TSHR: variants seen among roughly 807,000 people sequenced by gnomAD.
TSHR encodes the protein thyrotropin receptor.
Under a neutral mutation model 64.1 loss-of-function variants are expected in TSHR, and 51 were observed. The ratio of observed to expected loss-of-function variants is 0.80; its 90% CI spans 0.64 to 1.01. The LOEUF is 1.01. Among genes scored for constraint, TSHR ranks in the 50% least tolerant of loss-of-function variants. TSHR has a pLI of 0.00. For synonymous variants in TSHR, 361 were observed against 361.9 expected (o/e 1.00, Z 0.03); for missense variants, 877 against 942.8 (o/e 0.93, Z 0.91).
intron 1 of TSHR, among the ~76,000 whole-genome samples, chr14:80,979,057 A>G (rs577261330): frequency 2.0e-5 from 3 of 152,368 alleles, no homozygotes; most frequent in Admixed American, 2.0e-4. Context: ...AGGTGACATT[A>G]TTATCTTCTT....
chr14:81,041,575 C>T (rs1884925693), intron 1 of TSHR, among the ~76,000 whole-genome samples: 1 of 151,934 alleles, frequency 6.6e-6, no homozygotes, highest in Non-Finnish European at 1.5e-5. Context: ...GGATATTAGG[C>T]CTAATAACTG....
intron 3 of TSHR, among the ~76,000 whole-genome samples, chr14:81,072,556 GAAGA>G (rs1176498947): frequency 6.6e-6 from 1 of 152,048 alleles, no homozygotes; most frequent in African/African-American, 2.4e-5. Context: ...CGAGAAATTG[GAAGA>G]AATAGAGAGT....
At chr14:81,088,393 G>GA (rs888366164) in intron 4 of TSHR, among the ~76,000 whole-genome samples, 433 of 151,916 alleles carry the variant, frequency 2.9e-3, no homozygotes, top group African/African-American at 9.8e-3. Context: ...TGTTACACAG[G>GA]AAAAAAAACC....
intron 1 of TSHR, among the ~76,000 whole-genome samples, chr14:80,962,725 GC>G (rs1946338398): frequency 6.6e-6 from 1 of 152,236 alleles, no homozygotes; most frequent in Non-Finnish European, 1.5e-5. Flanking sequence ...GAGTGACTAT[GC>G]AGATGGAGGC....
At chr14:81,019,738 C>T (rs1483130283) in intron 1 of TSHR, among the ~76,000 whole-genome samples, 1 of 151,964 alleles carries the variant, frequency 6.6e-6, no homozygotes. Context: ...TGTTAGTTTG[C>T]TGAGAATGAT....
In TSHR at chr14:81,110,452, G is replaced by C. The variant is rs573441466; in HGVS notation, c.692+2000G>C. ...AAGGTGGCCATCTGCAAGCCAGGGA[G>C]AGAGGCCTCAGGAGAAGCCAAACTT... On this transcript the variant is annotated intron_variant, in intron 8 of 9. Coordinates refer to ENST00000298171, the MANE Select transcript of TSHR (RefSeq NM_000369.5). 7.9e-5 allele frequency among the ~76,000 whole-genome samples: 12 copies of C among 152,334 alleles called. No homozygotes were observed. The South Asian group carries it at 2.3e-3, about 29-fold the overall frequency.
intron 1 of TSHR, among the ~76,000 whole-genome samples, chr14:80,969,124 C>T (rs1887463176): frequency 6.6e-6 from 1 of 152,190 alleles, no homozygotes; most frequent in African/African-American, 2.4e-5. Flanking sequence ...TGATTCAGCT[C>T]ATATCCTTTC....
chr14:81,034,653 G>C (rs1281752015), intron 1 of TSHR, among the ~76,000 whole-genome samples: 1 of 152,156 alleles, frequency 6.6e-6, no homozygotes, highest in East Asian at 1.9e-4. Context: ...ACACATGCTT[G>C]TTACATGGTT....
rs189845708 is a variant in TSHR at position 80,997,868 on chromosome 14, G to A, written c.170+42018G>A. Among the ~76,000 whole-genome samples, 21 of 152,280 alleles carry A rather than the reference G, an allele frequency of 1.4e-4. 1 individual carries two copies. The East Asian group carries it at 3.1e-3, about 22-fold the overall frequency. ...GGTAGCTGTCGCCTGAAAAGGCATC[G>A]GAAGATACTTAAGAGATAGGAGATT... On this transcript the variant is annotated intron_variant, in intron 1 of 9. Transcript: ENST00000298171.
chr14:81,048,157 C>A (rs1191367976), intron 1 of TSHR, among the ~76,000 whole-genome samples: 1 of 152,048 alleles, frequency 6.6e-6, no homozygotes, highest in East Asian at 1.9e-4. Flanking sequence ...GTTAAGAAAG[C>A]CCTGACTCCC....
chr14:81,115,794 C>G (rs1187758779), intron 8 of TSHR, among the ~76,000 whole-genome samples: 2 of 152,008 alleles, frequency 1.3e-5, no homozygotes, highest in African/African-American at 4.8e-5. Context: ...GGTCGGGTTA[C>G]CCTCAAAGGG....
At chr14:81,061,585 C>A (rs1886246645) in intron 1 of TSHR, among the ~76,000 whole-genome samples, 1 of 151,936 alleles carries the variant, frequency 6.6e-6, no homozygotes, top group African/African-American at 2.4e-5. Flanking sequence ...TAAGTGAGAG[C>A]TAAATGATGA....
chr14:81,115,762 G>A (rs1292670875), intron 8 of TSHR, among the ~76,000 whole-genome samples: 3 of 152,052 alleles, frequency 2.0e-5, no homozygotes, highest in East Asian at 1.9e-4. Context: ...AGGAAAAAAT[G>A]TGAAGGGCAG....
intron 8 of TSHR, among the ~76,000 whole-genome samples, chr14:81,134,469 G>A (rs1300696198): frequency 7.3e-6 from 1 of 136,134 alleles, no homozygotes; most frequent in Non-Finnish European, 1.6e-5. Flanking sequence ...CAGAACACAA[G>A]AAAGTGCTCT....
intron 1 of TSHR, among the ~76,000 whole-genome samples, chr14:80,972,025 T>TA (rs1235571882): frequency 1.3e-5 from 2 of 152,204 alleles, no homozygotes; most frequent in African/African-American, 4.8e-5. Flanking sequence ...CTATACACAG[T>TA]ACTAGAGGGA....
chr14:81,024,514 T>C (rs1883944415), intron 1 of TSHR, among the ~76,000 whole-genome samples: 1 of 152,208 alleles, frequency 6.6e-6, no homozygotes, highest in African/African-American at 2.4e-5. Flanking sequence ...CCCAAAGTGC[T>C]GGGATTACAG....
intron 1 of TSHR, among the ~76,000 whole-genome samples, chr14:81,002,817 T>TTG (rs1889407054): frequency 1.0e-5 from 1 of 95,610 alleles, no homozygotes; most frequent in African/African-American, 3.4e-5. Flanking sequence ...TATCTTTTTT[T>TTG]TTTTTTTCTT....
At chr14:81,129,309 C>G (rs1423259155) in intron 8 of TSHR, among the ~76,000 whole-genome samples, 1 of 152,098 alleles carries the variant, frequency 6.6e-6, no homozygotes, top group African/African-American at 2.4e-5. Flanking sequence ...CTCTCACCTC[C>G]CTCATATCCT....
chr14:81,063,528 C>T (rs1027779703), intron 2 of TSHR, among the ~76,000 whole-genome samples: 1 of 152,282 alleles, frequency 6.6e-6, no homozygotes, highest in Non-Finnish European at 1.5e-5. Flanking sequence ...ACTGTAGCAT[C>T]CTATAAGCTA....
Sources: gnomAD v4.1 joint callset for allele counts (sites outside exome capture counted in the v4.1 genomes callset) on GRCh38, gnomAD v4.1.1 for gene constraint, MANE v1.5 for transcripts, NCBI Gene and HGNC (gene_info 2026-07-23, HGNC 2026-07-21) for gene names.